TPPP2: variants seen among roughly 807,000 people sequenced by gnomAD.
The protein encoded by TPPP2 is tubulin polymerization promoting protein family member 2.
Under a neutral mutation model 13.0 loss-of-function variants are expected in TPPP2, and 8 were observed. The ratio of observed to expected loss-of-function variants is 0.62; its 90% CI spans 0.36 to 1.11. The LOEUF (loss-of-function observed/expected upper bound fraction) is 1.11. Among genes scored for constraint, TPPP2 ranks in the 50% most tolerant of loss-of-function variants. The pLI, the probability that TPPP2 is intolerant of heterozygous loss-of-function variation, is 0.02. For missense variants in TPPP2, 213 were observed against 216.9 expected (o/e 0.98, Z 0.11); for synonymous variants, 81 against 81.8 (o/e 0.99, Z 0.05).
chr14:21,026,871 G>C (rs1487419205), upstream of TPPP2, among the ~76,000 whole-genome samples: 2 of 152,172 alleles, frequency 1.3e-5, no homozygotes, highest in Non-Finnish European at 1.5e-5. Context: ...GCTGGAATAA[G>C]GGTCACAGCC....
downstream of TPPP2, chr14:21,033,265 A>G (rs78315193): frequency 2.3e-3 from 721 of 316,548 alleles, 9 homozygotes; most frequent in African/African-American, 0.015. Context: ...TTTCACAGAG[A>G]GAAGCAGGCT....
At chr14:21,033,611 G>A, downstream of TPPP2, 1 of 596,724 alleles carries the variant, frequency 1.7e-6, no homozygotes, top group Non-Finnish European at 3.0e-6. Flanking sequence ...GGGGCGAAGA[G>A]GGGGTAAACA....
At chr14:21,030,025 C>G (rs532771702), upstream of TPPP2, among the ~76,000 whole-genome samples, 1 of 152,188 alleles carries the variant, frequency 6.6e-6, no homozygotes, top group Non-Finnish European at 1.5e-5. Flanking sequence ...GATGGGTAAG[C>G]TTGGCTGAAA....
chr14:21,031,820 G>T lies in TPPP2; in HGVS notation c.328-72G>T, dbSNP rs976446356. ...TCCAAGCACTTGTTCTAAGTATCTCGGGCCATCTTTGGGGAAGGGATATGA... is the reference window on the plus strand; with the variant it reads ...TCCAAGCACTTGTTCTAAGTATCTCTGGCCATCTTTGGGGAAGGGATATGA... On this transcript the variant is annotated intron_variant, in intron 3 of 3. Transcript: ENST00000321760. The T allele has an allele frequency of 2.0e-6, 3 of 1,513,970 alleles. No individual in the cohort carries two copies. The African/African-American group carries it at 4.1e-5, about 21-fold the overall frequency. The allele number at this position is 1,513,970 out of a possible 1,614,324, so 93.8% of individuals were successfully genotyped here.
At chr14:21,034,384 A>G, downstream of TPPP2, 1 of 838,426 alleles carries the variant, frequency 1.2e-6, no homozygotes, top group Non-Finnish European at 1.9e-6. Flanking sequence ...CCAACCCAAC[A>G]GTACTTTAGA....
At chr14:21,028,635 G>A (rs1454479920), upstream of TPPP2, 3 of 152,094 alleles carry the variant, frequency 2.0e-5, no homozygotes, top group Non-Finnish European at 4.4e-5. Flanking sequence ...AGTATATCTT[G>A]AGCCACAGAA....
Position 21,025,148 on chromosome 14 carries a change from C to A in TPPP2, n.236+804C>A. ...GCCCGCCCACGGGCGCTAGGCTCCC[C>A]GCAGACCCGCCCCAGACCCCCAGTA... On this transcript the variant is annotated intron_variant and non_coding_transcript_variant, in intron 1 of 1. Transcript: ENST00000533755. The surrounding 1 kb of genome is among the most constrained non-coding windows in gnomAD (Gnocchi z 5.1). 1 of 969,246 alleles carries A rather than the reference C, an allele frequency of 1.0e-6. No homozygotes were observed. Among genetic ancestry groups the A allele is most frequent in the Non-Finnish European group, 1.2e-6 (1 of 815,130 alleles). The allele number at this position is 969,246 out of a possible 1,614,324, so 60.0% of individuals were successfully genotyped here.
downstream of TPPP2, chr14:21,033,653 T>C: frequency 1.6e-6 from 1 of 630,504 alleles, no homozygotes; most frequent in East Asian, 2.7e-5. Flanking sequence ...TAGCACCACT[T>C]TGCATGGTGA....
chr14:21,030,402 C>A lies in TPPP2; in HGVS notation c.-70+98C>A, dbSNP rs565841634. The stretch of plus-strand genomic sequence containing the variant: ...GAATGGGAGACTCATGCTGTAGTTG[C>A]GTAGGTGCAATGGGAGCTGGGAGGG... On this transcript the variant is annotated intron_variant, in intron 1 of 3. Coordinates refer to ENST00000321760, the MANE Select transcript of TPPP2 (RefSeq NM_173846.5). 1.9e-5 allele frequency: 12 copies of A among 628,190 alleles called. No individual in the cohort carries two copies. In the East Asian group the frequency reaches 3.4e-4, roughly 18 times the overall value. The allele number at this position is 628,190 out of a possible 1,614,324, so 38.9% of individuals were successfully genotyped here.
chr14:21,034,036 A>T (rs754930180), downstream of TPPP2: 21 of 1,614,112 alleles, frequency 1.3e-5, no homozygotes, highest in South Asian at 2.1e-4. Context: ...TACTTGCAGA[A>T]CTTCTGGATG....
At chr14:21,030,848 C>T (rs914958925) in intron 2 of TPPP2, 94 bp downstream of exon 2, 2 of 1,518,224 alleles carry the variant, frequency 1.3e-6, no homozygotes, top group African/African-American at 2.7e-5. Context: ...TGCAGTGGGC[C>T]TACCAAGCAC....
rs1594473503 is a variant in TPPP2, at chr14:21,030,496, T to C, written c.-69-17T>C. 7.2e-7 allele frequency: 1 copy of C among 1,380,590 alleles called. No individual in the cohort carries two copies. The highest frequency in any genetic ancestry group is 9.9e-7 in the Non-Finnish European group (1 of 1,005,098). The allele number at this position is 1,380,590 out of a possible 1,614,324, so 85.5% of individuals were successfully genotyped here. ...CTGACTGATTTTACCATAACACTCATCCTCATTACTCCACAGTCCTCCCTC... is the reference window on the plus strand; with the variant it reads ...CTGACTGATTTTACCATAACACTCACCCTCATTACTCCACAGTCCTCCCTC... On this transcript the variant is annotated splice_polypyrimidine_tract_variant and intron_variant, in intron 1 of 3. Coordinates refer to ENST00000321760, the MANE Select transcript of TPPP2 (RefSeq NM_173846.5).
chr14:21,033,884 G>A (rs1884426066), downstream of TPPP2: 1 of 1,614,154 alleles, frequency 6.2e-7, no homozygotes. Flanking sequence ...AGCAGAGTAG[G>A]TAGAGCTTCT....
intron 2 of TPPP2, 53 bp downstream of exon 2, chr14:21,030,807 G>T: frequency 6.3e-7 from 1 of 1,592,262 alleles, no homozygotes; most frequent in Admixed American, 1.7e-5. Context: ...CGAGGTAGTT[G>T]GCCACGGAAG....
chr14:21,034,412 C>G (rs1884478323), downstream of TPPP2: 1 of 720,286 alleles, frequency 1.4e-6, no homozygotes, highest in African/African-American at 1.8e-5. Flanking sequence ...TCACCCATAA[C>G]CAAGTTCTCA....
At chr14:21,028,658 G>A (rs1883860437), upstream of TPPP2, 1 of 152,108 alleles carries the variant, frequency 6.6e-6, no homozygotes, top group African/African-American at 2.4e-5. Flanking sequence ...TTCTTGAGCA[G>A]GAGTAATAAA....
chr14:21,031,369 A>C, intron 3 of TPPP2: 1 of 578,872 alleles, frequency 1.7e-6, no homozygotes, highest in Non-Finnish European at 2.8e-6. Flanking sequence ...TTTTAATAGT[A>C]GATTTAGACT....
downstream of TPPP2, chr14:21,035,845 C>T (rs1214408608): frequency 2.2e-6 from 1 of 456,258 alleles, no homozygotes; most frequent in Non-Finnish European, 4.4e-6. Context: ...GACCCCTCCA[C>T]CTCCCCAATC....
At chr14:21,025,752 TGGGGGC>T, upstream of TPPP2, 2 of 159,306 alleles carry the variant, frequency 1.3e-5, no homozygotes, top group Non-Finnish European at 1.5e-5. This position sits in a 1 kb window ranked among gnomAD's most constrained non-coding sequence, Gnocchi z 5.1. Context: ...GGCGGGGAGG[TGGGGGC>T]GGGGAATGCG....
Sources: gnomAD v4.1 joint callset for allele counts (sites outside exome capture counted in the v4.1 genomes callset) on GRCh38, gnomAD v4.1.1 for gene constraint, Gnocchi (gnomAD v3.1) non-coding constraint, MANE v1.5 for transcripts, NCBI Gene and HGNC (gene_info 2026-07-23, HGNC 2026-07-21) for gene names.